Variants in ZNF540 observed in about 807,000 individuals in gnomAD.
The protein encoded by ZNF540 is CTD-3064H18.6.
In ZNF540, 3 loss-of-function variants were observed where a neutral mutation model predicts 11.8. The ratio of observed to expected loss-of-function variants is 0.25; its 90% CI spans 0.12 to 0.65. The LOEUF is 0.65. Ranked by LOEUF, ZNF540 falls within the 30% of genes least tolerant of loss-of-function variation. The probability of loss-of-function intolerance (pLI) is 0.83; values close to 1 mark genes in which losing one functional copy is unlikely to be tolerated. For synonymous variants in ZNF540, 247 were observed against 259.0 expected, an observed-to-expected ratio of 0.95 and a Z score of 0.45; for missense variants, 709 against 793.1, an observed-to-expected ratio of 0.89 and a Z score of 1.27.
rs933857396 is a variant in ZNF540 at position 37,613,580 on chromosome 19, A to C, written c.*317A>C. The C allele has an allele frequency of 7.5e-6, 3 of 397,578 alleles. No individual in the cohort carries two copies. The highest frequency in any genetic ancestry group is 1.3e-5 in the Non-Finnish European group (3 of 225,040). The allele number at this position is 397,578 out of a possible 1,614,324, so 24.6% of individuals were successfully genotyped here. Reference sequence around the variant, plus strand: ...TCAGCTGTAAAATGAAACACACCTAAAAGTGTGGTTGTTTCCAACATGTAT... The same window carrying C: ...TCAGCTGTAAAATGAAACACACCTACAAGTGTGGTTGTTTCCAACATGTAT... On this transcript the variant is annotated 3_prime_UTR_variant, in exon 5 of 5. Transcript: ENST00000316433.
At chr19:37,577,295 T>G (rs560138717) in intron 1 of ZNF540, among the ~76,000 whole-genome samples, 1 of 152,296 alleles carries the variant, frequency 6.6e-6, no homozygotes, top group African/African-American at 2.4e-5. Flanking sequence ...ACTATATGCT[T>G]TAATAAACCA....
intron 1 of ZNF540, among the ~76,000 whole-genome samples, chr19:37,568,184 T>C (rs912926575): frequency 4.6e-5 from 7 of 152,192 alleles, no homozygotes; most frequent in African/African-American, 1.7e-4. Flanking sequence ...TAACAAAGAC[T>C]GGTCATGGGA....
chr19:37,612,439 G>A lies in ZNF540; in HGVS notation c.1159G>A (p.Glu387Lys). Residue 387 changes from glutamate to lysine, a missense_variant, in exon 5 of 5, where the codon GAG becomes AAG. Transcript: ENST00000316433. The part of the protein sequence containing the change: ...HAGKKPYECK[E>K]CGKSFNVRGQ... ...AGGTAAGAAACCTTATGAATGTAAG[G>A]AGTGTGGGAAATCATTTAATGTGCG... The A allele has an allele frequency of 6.2e-7, 1 of 1,614,128 alleles. No individual in the cohort carries two copies. The highest frequency in any genetic ancestry group is 8.5e-7 in the Non-Finnish European group (1 of 1,180,018).
chr19:37,570,090 T>G (rs982163052), intron 1 of ZNF540: 2 of 152,298 alleles, frequency 1.3e-5, no homozygotes, highest in African/African-American at 4.8e-5. Context: ...TATCCTTAAG[T>G]TATAAAAAGA....
upstream of ZNF540, among the ~76,000 whole-genome samples, chr19:37,592,307 G>A (rs959484661): frequency 1.3e-5 from 2 of 152,068 alleles, no homozygotes; most frequent in Admixed American, 6.5e-5. Context: ...TAACCTTTAG[G>A]TCAGTGCTTC....
chr19:37,603,557 A>C (rs2044057317), intron 4 of ZNF540, among the ~76,000 whole-genome samples: 1 of 152,166 alleles, frequency 6.6e-6, no homozygotes, highest in African/African-American at 2.4e-5. Flanking sequence ...GGCAGGAGGG[A>C]AAGGAGAGTT....
intron 1 of ZNF540, chr19:37,585,144 A>T (rs1271565449): frequency 6.6e-6 from 1 of 152,246 alleles, no homozygotes; most frequent in Non-Finnish European, 1.5e-5. Flanking sequence ...GAACTGGTAC[A>T]TTCCGGGAAA....
upstream of ZNF540, among the ~76,000 whole-genome samples, chr19:37,590,445 T>G (rs1254015977): frequency 6.6e-6 from 1 of 151,782 alleles, no homozygotes; most frequent in Non-Finnish European, 1.5e-5. Context: ...AAAAAAGCTA[T>G]AAGGACAAAA....
intron 4 of ZNF540, among the ~76,000 whole-genome samples, chr19:37,604,068 C>T (rs1022130201): frequency 2.0e-4 from 31 of 151,994 alleles, no homozygotes; most frequent in African/African-American, 5.8e-4. Flanking sequence ...GCTCTTTTCT[C>T]GAGTAGCTAA....
At chr19:37,589,200 C>CAAAAAAAAAAA (rs35689698) in intron 1 of ZNF540, among the ~76,000 whole-genome samples, 1 of 108,894 alleles carries the variant, frequency 9.2e-6, no homozygotes, top group Non-Finnish European at 1.8e-5. Flanking sequence ...AACTCCGTCT[C>CAAAAAAAAAAA]AAAAAAAAAA....
chr19:37,601,196 T>G, intron 4 of ZNF540, 91 bp downstream of exon 4: 1 of 1,092,090 alleles, frequency 9.2e-7, no homozygotes, highest in Non-Finnish European at 1.3e-6. Flanking sequence ...GCATGCTGTT[T>G]AGGGAGTTAC....
Position 37,603,921 on chromosome 19 carries a change from G to GTA in ZNF540, c.232+2821_232+2822dup, listed in dbSNP as rs2044060440. Among the ~76,000 whole-genome samples the GTA allele has an allele frequency of 2.0e-5, 3 of 152,072 alleles. 1 individual carries two copies. The South Asian group carries it at 6.2e-4, about 31-fold the overall frequency. On this transcript the variant is annotated intron_variant, in intron 4 of 4. Coordinates refer to ENST00000316433, the MANE Select transcript of ZNF540 (RefSeq NM_001172225.3). ...TTTTTTTAGTTGAAATTCTTGGGCT[G>GTA]TATATAATCAGATCATTTGCAAATC...
intron 1 of ZNF540, among the ~76,000 whole-genome samples, chr19:37,567,209 TG>T (rs2042892136): frequency 6.6e-6 from 1 of 152,250 alleles, no homozygotes; most frequent in Non-Finnish European, 1.5e-5. Flanking sequence ...GACTATTGTC[TG>T]TCTGTCCCAT....
chr19:37,565,946 T>A lies in ZNF540; in HGVS notation c.-73+14281T>A, dbSNP rs368992991. The A allele has an allele frequency of 3.0e-5, 48 of 1,613,870 alleles. No homozygotes were observed. The South Asian group carries it at 5.3e-4, about 18-fold the overall frequency. On this transcript the variant is annotated intron_variant, in intron 1 of 4. Coordinates refer to the ZNF540 transcript ENST00000592533. Reference sequence around the variant, plus strand: ...AACTTCAGAGCATTTTTCTATATTATGATTTTCCTCATGTTGAATAAGGCA... The same window carrying A: ...AACTTCAGAGCATTTTTCTATATTAAGATTTTCCTCATGTTGAATAAGGCA...
intron 1 of ZNF540, chr19:37,584,078 T>C (rs1347883601): frequency 6.2e-7 from 1 of 1,614,056 alleles, no homozygotes; most frequent in Admixed American, 1.7e-5. Context: ...AATGGCCACA[T>C]CCCTGAAAGT....
chr19:37,564,884 G>A (rs373799629), intron 1 of ZNF540: 13 of 1,613,778 alleles, frequency 8.1e-6, no homozygotes, highest in Middle Eastern at 1.6e-4. Context: ...ACTAAGTTGT[G>A]AGCCATAAAT....
chr19:37,563,994 A>G (rs1192928502), intron 1 of ZNF540: 3 of 152,200 alleles, frequency 2.0e-5, no homozygotes, highest in Admixed American at 6.5e-5. Flanking sequence ...TAAAAAACAA[A>G]ACAACAAAAA....
chr19:37,613,321 C>T lies in ZNF540; in HGVS notation c.*58C>T, dbSNP rs2044148541. The stretch of plus-strand genomic sequence containing the variant: ...TATAGAATATCAAAATATTTATGGC[C>T]AGAAGTTCTGTCAATGTGTTGATGT... On this transcript the variant is annotated 3_prime_UTR_variant, in exon 5 of 5. Coordinates refer to ENST00000316433, the MANE Select transcript of ZNF540 (RefSeq NM_001172225.3). The T allele has an allele frequency of 8.0e-7, 1 of 1,249,434 alleles. No individual in the cohort carries two copies. Among genetic ancestry groups the T allele is most frequent in the Non-Finnish European group, 1.1e-6 (1 of 943,084 alleles). The allele number at this position is 1,249,434 out of a possible 1,614,324, so 77.4% of individuals were successfully genotyped here. A position where few individuals can be genotyped will look rare whatever the true frequency, so the allele number is the denominator to read the frequency against.
chr19:37,604,042 G>C (rs201168884), intron 4 of ZNF540, among the ~76,000 whole-genome samples: 9 of 86,522 alleles, frequency 1.0e-4, no homozygotes, highest in Non-Finnish European at 2.0e-4. Context: ...AAAAGGATAA[G>C]ATAACTTTTC....
Sources: allele counts gnomAD v4.1 joint callset (sites outside exome capture counted in the v4.1 genomes callset), GRCh38; gene constraint gnomAD v4.1.1; transcripts MANE v1.5; gene names NCBI Gene and HGNC (gene_info 2026-07-23, HGNC 2026-07-21).